The following PAK5 variants were observed in gnomAD, a reference collection of about 807,000 sequenced individuals.
PAK5 encodes the protein p21 (RAC1) activated kinase 5.
PAK5 carries 16 observed loss-of-function variants against 65.9 expected under a neutral mutation model. That is an observed-to-expected ratio of 0.24 (90% confidence interval 0.16 to 0.37). The LOEUF (loss-of-function observed/expected upper bound fraction) is 0.37. Among genes scored for constraint, PAK5 ranks in the 10% least tolerant of loss-of-function variants. The pLI, the probability that PAK5 is intolerant of heterozygous loss-of-function variation, is 1.00. For synonymous variants in PAK5, 371 were observed against 354.9 expected, an observed-to-expected ratio of 1.05 and a Z score of -0.51; for missense variants, 785 against 903.9, an observed-to-expected ratio of 0.87 and a Z score of 1.69.
At chr20:9,797,679 G>GAAA (rs145184687) in intron 1 of PAK5, among the ~76,000 whole-genome samples, 2 of 143,794 alleles carry the variant, frequency 1.4e-5, no homozygotes, top group African/African-American at 5.1e-5. Context: ...AAGAGCACAA[G>GAAA]AAAAAAAAAA....
At chr20:9,592,205 A>G (rs2046184684) in intron 3 of PAK5, among the ~76,000 whole-genome samples, 1 of 152,214 alleles carries the variant, frequency 6.6e-6, no homozygotes, top group African/African-American at 2.4e-5. Context: ...GAGATGGTGG[A>G]TAAGGAATGA....
At chr20:9,664,273 T>C (rs1222049010) in intron 2 of PAK5, among the ~76,000 whole-genome samples, 1 of 152,204 alleles carries the variant, frequency 6.6e-6, no homozygotes, top group Non-Finnish European at 1.5e-5. Context: ...GAACTCAGCA[T>C]TTCCTTTTCT....
At chr20:9,608,528 T>A (rs2046497807) in intron 3 of PAK5, among the ~76,000 whole-genome samples, 1 of 152,250 alleles carries the variant, frequency 6.6e-6, no homozygotes, top group African/African-American at 2.4e-5. Context: ...GACATGGTGT[T>A]CAGACATCCA....
intron 3 of PAK5, among the ~76,000 whole-genome samples, chr20:9,640,010 A>G (rs760553921): frequency 1.3e-5 from 2 of 152,058 alleles, no homozygotes; most frequent in African/African-American, 4.8e-5. Flanking sequence ...TAATGCATAC[A>G]CTCTAACAAG....
intron 3 of PAK5, among the ~76,000 whole-genome samples, chr20:9,618,627 C>A (rs2123174052): frequency 6.6e-6 from 1 of 151,336 alleles, no homozygotes; most frequent in African/African-American, 2.4e-5. Context: ...GTTGTCCAGG[C>A]TGGTCTTGAA....
chr20:9,778,801 C>G (rs2123692914), intron 1 of PAK5, among the ~76,000 whole-genome samples: 1 of 152,264 alleles, frequency 6.6e-6, no homozygotes, highest in African/African-American at 2.4e-5. Flanking sequence ...GCTCAGTATA[C>G]ATGCATAGTT....
intron 4 of PAK5, among the ~76,000 whole-genome samples, chr20:9,568,154 A>C (rs1189795714): frequency 6.6e-6 from 1 of 152,166 alleles, no homozygotes; most frequent in African/African-American, 2.4e-5. Flanking sequence ...GGTGGGAAGC[A>C]CTGGGGGTTG....
At chr20:9,800,701 C>A (rs963090023) in intron 1 of PAK5, among the ~76,000 whole-genome samples, 1 of 152,008 alleles carries the variant, frequency 6.6e-6, no homozygotes, top group African/African-American at 2.4e-5. Context: ...GTTACCTCCA[C>A]AATCTACTTT....
At chr20:9,558,231 C>T (rs1183703508) in intron 6 of PAK5, among the ~76,000 whole-genome samples, 1 of 151,932 alleles carries the variant, frequency 6.6e-6, no homozygotes, top group Non-Finnish European at 1.5e-5. Flanking sequence ...TCTGCCTCAG[C>T]CTCCCACGTA....
rs112260014 is a variant in PAK5 at position 9,806,963 on chromosome 20, T to C, written c.-162+31799A>G. Among the ~76,000 whole-genome samples, 8 of 152,260 alleles carry C rather than the reference T, an allele frequency of 5.3e-5. 1 individual carries two copies. Among genetic ancestry groups the C allele is most frequent in the African/African-American group, 1.9e-4 (8 of 41,564 alleles). On this transcript the variant is annotated intron_variant, in intron 1 of 9. Coordinates refer to ENST00000353224, the MANE Select transcript of PAK5 (RefSeq NM_177990.4). ...ATCCATTTCCTTGCCTTCTTCAGCC[T>C]CTACAGTCTACCCACATTCCTTGGC...
chr20:9,651,900 G>A (rs1310798145), intron 2 of PAK5, among the ~76,000 whole-genome samples: 2 of 152,166 alleles, frequency 1.3e-5, no homozygotes, highest in Non-Finnish European at 2.9e-5. Flanking sequence ...CTAATAAAGT[G>A]AAGAGTTAAT....
At chr20:9,767,111 A>G (rs1311096303) in intron 1 of PAK5, among the ~76,000 whole-genome samples, 2 of 152,182 alleles carry the variant, frequency 1.3e-5, no homozygotes, top group East Asian at 3.9e-4. Flanking sequence ...CACTGCACCA[A>G]TCTTGGGACC....
At chr20:9,558,105 G>A (rs1251841721) in intron 6 of PAK5, among the ~76,000 whole-genome samples, 1 of 150,758 alleles carries the variant, frequency 6.6e-6, no homozygotes, top group Non-Finnish European at 1.5e-5. Flanking sequence ...CACCCAGGCT[G>A]GAGTGCAGTC....
intron 1 of PAK5, among the ~76,000 whole-genome samples, chr20:9,754,157 A>C (rs1239499318): frequency 6.6e-6 from 1 of 152,182 alleles, no homozygotes; most frequent in Non-Finnish European, 1.5e-5. Flanking sequence ...AACCACTGAA[A>C]ATTAGGAAAT....
chr20:9,835,643 T>TTA (rs1237218054), intron 1 of PAK5, among the ~76,000 whole-genome samples: 1 of 152,138 alleles, frequency 6.6e-6, no homozygotes, highest in African/African-American at 2.4e-5. Flanking sequence ...AGGTAAGAGA[T>TTA]TATCATCTCT....
rs78249871 is a variant in PAK5 at position 9,758,340 on chromosome 20, G to A, written c.-161-46905C>T. 1.6e-3 allele frequency among the ~76,000 whole-genome samples: 242 copies of A among 152,244 alleles called. 6 individuals carry two copies. In the East Asian group the frequency reaches 0.045, roughly 28 times the overall value. On this transcript the variant is annotated intron_variant, in intron 1 of 9. Coordinates refer to ENST00000353224, the MANE Select transcript of PAK5 (RefSeq NM_177990.4). ...CCCAACACATGTGGCCAAAACATTA[G>A]CATAGAAGGGAGTGGCATCGAACAC...
chr20:9,576,202 A>G (rs2045882459), intron 4 of PAK5, among the ~76,000 whole-genome samples: 1 of 152,222 alleles, frequency 6.6e-6, no homozygotes, highest in Non-Finnish European at 1.5e-5. Flanking sequence ...TTGTACATAA[A>G]GAAGTGGAGG....
At chr20:9,593,043 T>C (rs1888712) in intron 3 of PAK5, among the ~76,000 whole-genome samples, 84,495 of 152,012 alleles carry the variant, frequency 0.56, 25,729 homozygotes, top group African/African-American at 0.82. Context: ...CTCAAACCTG[T>C]TATCCAAGCA....
At chr20:9,802,933 T>TATATAC (rs2049188773) in intron 1 of PAK5, among the ~76,000 whole-genome samples, 1 of 131,100 alleles carries the variant, frequency 7.6e-6, no homozygotes, top group South Asian at 2.5e-4. Context: ...TATATATATA[T>TATATAC]GAATTACTAA....
Sources: gnomAD v4.1 joint callset for allele counts (sites outside exome capture counted in the v4.1 genomes callset) on GRCh38, gnomAD v4.1.1 for gene constraint, MANE v1.5 for transcripts, NCBI Gene and HGNC (gene_info 2026-07-23, HGNC 2026-07-21) for gene names.